RFX4: variants seen among roughly 807,000 people sequenced by gnomAD.
RFX4 encodes transcription factor RFX4.
A neutral mutation model predicts 95.0 loss-of-function variants in RFX4; 10 were observed. The observed-to-expected ratio is 0.11, with a 90% CI of 0.06 to 0.18. The LOEUF (loss-of-function observed/expected upper bound fraction) is 0.18. Ranked by LOEUF, RFX4 falls within the 10% of genes least tolerant of loss-of-function variation. The pLI is 1.00. For synonymous variants in RFX4, 321 were observed against 340.7 expected (o/e 0.94, Z 0.64); for missense variants, 640 against 922.0 (o/e 0.69, Z 3.96).
intron 4 of RFX4, among the ~76,000 whole-genome samples, chr12:106,657,558 T>C (rs903802906): frequency 6.6e-6 from 1 of 152,210 alleles, no homozygotes; most frequent in African/African-American, 2.4e-5. Context: ...GTATAGAGAA[T>C]GTGAAAGCTT....
chr12:106,661,640 TATA>T (rs2041076136), intron 4 of RFX4, among the ~76,000 whole-genome samples: 1 of 152,228 alleles, frequency 6.6e-6, no homozygotes, highest in South Asian at 2.1e-4. Context: ...TGGACAAATG[TATA>T]ATAACATGTA....
intron 2 of RFX4, among the ~76,000 whole-genome samples, chr12:106,623,157 G>A (rs965053016): frequency 1.3e-5 from 2 of 149,896 alleles, no homozygotes; most frequent in Non-Finnish European, 2.9e-5. Flanking sequence ...TCCTGCCTCA[G>A]CCTCCCGAGT....
chr12:106,690,829 A>G (rs17038686), intron 7 of RFX4, among the ~76,000 whole-genome samples: 2,339 of 152,202 alleles, frequency 0.015, 72 homozygotes, highest in African/African-American at 0.054. Flanking sequence ...ACACTACTCA[A>G]ATCTCTAAGG....
intron 2 of RFX4, among the ~76,000 whole-genome samples, chr12:106,615,337 C>T (rs2040052737): frequency 6.6e-6 from 1 of 152,268 alleles, no homozygotes; most frequent in Middle Eastern, 3.4e-3. Flanking sequence ...GTTGGTCTTA[C>T]TGTCTATTTT....
In RFX4 at chr12:106,761,238, G is replaced by A. The variant is rs1280137586; in HGVS notation, c.1977G>A (p.Leu659=). The A allele has an allele frequency of 6.2e-7, 1 of 1,614,100 alleles. No individual in the cohort carries two copies. Among genetic ancestry groups the A allele is most frequent in the Admixed American group, 1.7e-5 (1 of 60,010 alleles). The change falls in exon 18 of 18, where the codon TTG becomes TTA. Residue 659 remains leucine, a synonymous_variant. Transcript: ENST00000392842. ...CCACTTCCCGGATGGAACCTTGTTTGATGAGCAGTACTCCCAGACTGCATC... is the reference window on the plus strand; with the variant it reads ...CCACTTCCCGGATGGAACCTTGTTTAATGAGCAGTACTCCCAGACTGCATC... ...NSPTSRMEPC[L]MSSTPRLHPT... is the part of the protein sequence containing the mutation.
intron 3 of RFX4, 92 bp from the exon 4 acceptor site, chr12:106,654,136 G>C: frequency 6.5e-7 from 1 of 1,527,460 alleles, no homozygotes; most frequent in Non-Finnish European, 9.0e-7. Flanking sequence ...TATTTCTAAG[G>C]ACTGCCCATC....
Position 106,697,150 on chromosome 12 carries a change from T to C in RFX4, c.833+704T>C, listed in dbSNP as rs377599460. 1.4e-4 allele frequency among the ~76,000 whole-genome samples: 22 copies of C among 152,098 alleles called. No homozygotes were observed. The East Asian group carries it at 2.3e-3, about 16-fold the overall frequency. The stretch of plus-strand genomic sequence containing the variant: ...TTCCAGGCTGTCCTTGGGCACAGAG[T>C]GGGCGAGAACCTGTGCTCCGAGCCT... On this transcript the variant is annotated intron_variant, in intron 8 of 17. Transcript: ENST00000392842.
chr12:106,614,914 A>G (rs553461976), intron 2 of RFX4, among the ~76,000 whole-genome samples: 1 of 152,320 alleles, frequency 6.6e-6, no homozygotes, highest in African/African-American at 2.4e-5. Context: ...AGGTAAAAGT[A>G]TTACAAATAT....
intron 5 of RFX4, chr12:106,682,626 C>CGTGG (rs1251335660): frequency 4.6e-5 from 7 of 152,318 alleles, no homozygotes; most frequent in Admixed American, 1.3e-4. Flanking sequence ...TTGCTGCCCT[C>CGTGG]ATGGAGCATA....
intron 1 of RFX4, among the ~76,000 whole-genome samples, chr12:106,589,612 C>A (rs186709952): frequency 6.6e-6 from 1 of 152,302 alleles, no homozygotes; most frequent in African/African-American, 2.4e-5. Flanking sequence ...GGAGAGCAGA[C>A]TAGGCAACAC....
intron 4 of RFX4, among the ~76,000 whole-genome samples, chr12:106,654,941 A>G (rs2040926843): frequency 6.6e-6 from 1 of 152,222 alleles, no homozygotes; most frequent in African/African-American, 2.4e-5. Flanking sequence ...TTTGATGGCT[A>G]CACCAAAAAA....
chr12:106,734,605 A>C lies in RFX4; in HGVS notation c.1633+1520A>C, dbSNP rs570419000. ...AGCAAGACTCCATCTCAAAAAAAAA[A>C]AAAGTTAATATGGATATATATTACC... On this transcript the variant is annotated intron_variant, in intron 15 of 17. Transcript: ENST00000392842. 6.6e-5 allele frequency among the ~76,000 whole-genome samples: 10 copies of C among 151,826 alleles called. No individual in the cohort carries two copies. In the East Asian group the frequency reaches 1.9e-3, roughly 30 times the overall value.
rs373838831 is a variant in RFX4, at chr12:106,622,025, G to A, written c.130+13142G>A. Among the ~76,000 whole-genome samples the A allele has an allele frequency of 1.1e-4, 16 of 152,224 alleles. No individual in the cohort carries two copies. The South Asian group carries it at 3.3e-3, about 32-fold the overall frequency. ...AGTGCAAGCTACTTTATCATGGAGG[G>A]AACTGGAAGTCTGATTATCAACAAC... On this transcript the variant is annotated intron_variant, in intron 2 of 17. Coordinates refer to ENST00000392842, the MANE Select transcript of RFX4 (RefSeq NM_213594.3).
chr12:106,741,997 C>T (rs1188161538), intron 15 of RFX4, among the ~76,000 whole-genome samples: 3 of 152,148 alleles, frequency 2.0e-5, no homozygotes, highest in Admixed American at 6.5e-5. Flanking sequence ...CACCACTCAC[C>T]TCTTGTGCGG....
At chr12:106,687,670 T>C (rs1314123554) in intron 6 of RFX4, among the ~76,000 whole-genome samples, 1 of 152,216 alleles carries the variant, frequency 6.6e-6, no homozygotes, top group African/African-American at 2.4e-5. Flanking sequence ...TGTTAACAAT[T>C]GGGGTGAGGC....
At position 106,650,251 on chromosome 12, in the gene RFX4, T is replaced by A. The variant is rs189379769; in HGVS notation, c.192-3977T>A. 2.4e-3 allele frequency among the ~76,000 whole-genome samples: 367 copies of A among 152,340 alleles called. 1 individual carries two copies. The highest frequency in any genetic ancestry group is 4.5e-3 in the Non-Finnish European group (303 of 68,032). ...TTTAGTGTGTTCATGGATTTTTTTTTAGCCAAAATAAATTCTAGGAAGCCA... is the reference window on the plus strand; with the variant it reads ...TTTAGTGTGTTCATGGATTTTTTTTAAGCCAAAATAAATTCTAGGAAGCCA... On this transcript the variant is annotated intron_variant, in intron 3 of 17. Coordinates refer to ENST00000392842, the MANE Select transcript of RFX4 (RefSeq NM_213594.3).
intron 2 of RFX4, among the ~76,000 whole-genome samples, chr12:106,631,722 G>A (rs1198528566): frequency 1.3e-5 from 2 of 152,192 alleles, no homozygotes; most frequent in Non-Finnish European, 2.9e-5. Context: ...ATCAATTTCT[G>A]TGTCTAAAAA....
chr12:106,590,808 A>G (rs192497497), intron 1 of RFX4, among the ~76,000 whole-genome samples: 77 of 152,218 alleles, frequency 5.1e-4, no homozygotes, highest in African/African-American at 1.7e-3. Context: ...TTAGACGGAC[A>G]TGGTGGTGCA....
intron 6 of RFX4, among the ~76,000 whole-genome samples, chr12:106,688,068 T>TC (rs2041699314): frequency 6.9e-6 from 1 of 144,132 alleles, no homozygotes; most frequent in Non-Finnish European, 1.5e-5. Context: ...ACATTTCTTT[T>TC]TTTTTTTTTT....
Sources: allele counts gnomAD v4.1 joint callset (sites outside exome capture counted in the v4.1 genomes callset), GRCh38; gene constraint gnomAD v4.1.1; transcripts MANE v1.5; gene names NCBI Gene and HGNC (gene_info 2026-07-23, HGNC 2026-07-21).